COL23A1: variants seen among roughly 807,000 people sequenced by gnomAD.
The protein encoded by COL23A1 is collagen alpha-1(XXIII) chain.
A neutral mutation model predicts 99.3 loss-of-function variants in COL23A1; 97 were observed. The observed-to-expected ratio is 0.98, with a 90% CI of 0.83 to 1.16. The LOEUF (loss-of-function observed/expected upper bound fraction) is 1.16, where lower values mean the gene tolerates loss of function less well. Among genes scored for constraint, COL23A1 ranks in the 50% most tolerant of loss-of-function variants. The pLI, the probability that COL23A1 is intolerant of heterozygous loss-of-function variation, is 0.00. For missense variants in COL23A1, 762 were observed against 757.4 expected, an observed-to-expected ratio of 1.01 and a Z score of -0.07; for synonymous variants, 320 against 308.2, an observed-to-expected ratio of 1.04 and a Z score of -0.40.
At chr5:178,386,823 T>C (rs1437950028) in intron 2 of COL23A1, among the ~76,000 whole-genome samples, 1 of 152,120 alleles carries the variant, frequency 6.6e-6, no homozygotes, top group Non-Finnish European at 1.5e-5. Flanking sequence ...GGACGCACAC[T>C]CCTATGGCCG....
At position 178,312,514 on chromosome 5, in the gene COL23A1, C is replaced by A. The variant is rs189437594; in HGVS notation, c.362-5595G>T. On this transcript the variant is annotated intron_variant, in intron 2 of 28. Coordinates refer to ENST00000390654, the MANE Select transcript of COL23A1 (RefSeq NM_173465.4). ...TCAACTCCAAAGGGGGGCCTCGAACCCCAACAGGCTTCCTCTGAGGCCTGA... is the reference window on the plus strand; with the variant it reads ...TCAACTCCAAAGGGGGGCCTCGAACACCAACAGGCTTCCTCTGAGGCCTGA... 3.9e-3 allele frequency among the ~76,000 whole-genome samples: 600 copies of A among 152,290 alleles called. 3 individuals are homozygous for A. Among genetic ancestry groups the A allele is most frequent in the African/African-American group, 0.014 (576 of 41,546 alleles).
chr5:178,343,071 T>C (rs1386402271), intron 2 of COL23A1, among the ~76,000 whole-genome samples: 1 of 152,168 alleles, frequency 6.6e-6, no homozygotes, highest in African/African-American at 2.4e-5. Context: ...GAATTTTACA[T>C]CCAGCCAACT....
At position 178,265,138 on chromosome 5, in the gene COL23A1, C is replaced by T. The variant is rs150568630; in HGVS notation, c.523-1814G>A. Among the ~76,000 whole-genome samples, 5 of 152,332 alleles carry T rather than the reference C, an allele frequency of 3.3e-5. No individual in the cohort carries two copies. In the East Asian group the frequency reaches 9.6e-4, roughly 29 times the overall value. ...TTTTCATCCACAGATGTTCCCTGATCTGATATAGCTCACCTCTCTAGCAAA... is the reference window on the plus strand; with the variant it reads ...TTTTCATCCACAGATGTTCCCTGATTTGATATAGCTCACCTCTCTAGCAAA... On this transcript the variant is annotated intron_variant, in intron 8 of 28. Transcript: ENST00000390654.
chr5:178,249,418 C>T (rs1215271005), intron 18 of COL23A1, among the ~76,000 whole-genome samples: 3 of 152,204 alleles, frequency 2.0e-5, no homozygotes, highest in African/African-American at 4.8e-5. Flanking sequence ...GGTGTGGGCA[C>T]CGCAGGGCAG....
At chr5:178,498,304 A>G (rs1758343184) in intron 2 of COL23A1, among the ~76,000 whole-genome samples, 1 of 145,854 alleles carries the variant, frequency 6.9e-6, no homozygotes, top group African/African-American at 2.5e-5. Flanking sequence ...TTAAAGAAAC[A>G]CATTTTACCT....
At chr5:178,516,696 C>A (rs1373880149) in intron 2 of COL23A1, among the ~76,000 whole-genome samples, 1 of 152,210 alleles carries the variant, frequency 6.6e-6, no homozygotes, top group African/African-American at 2.4e-5. Flanking sequence ...CCTTTCTTAA[C>A]TCAGGTGTTG....
chr5:178,508,083 G>A (rs1332933308), intron 2 of COL23A1, among the ~76,000 whole-genome samples: 2 of 151,732 alleles, frequency 1.3e-5, no homozygotes, highest in South Asian at 2.1e-4. Context: ...GGAAATTTCT[G>A]TTATATCCTA....
At chr5:178,444,709 T>G (rs769770525) in intron 2 of COL23A1, among the ~76,000 whole-genome samples, 10 of 152,148 alleles carry the variant, frequency 6.6e-5, no homozygotes, top group Non-Finnish European at 1.2e-4. Flanking sequence ...GGCAGGAGAA[T>G]TGCTTGAACC....
At chr5:178,414,435 C>T (rs1765200936) in intron 2 of COL23A1, among the ~76,000 whole-genome samples, 1 of 152,004 alleles carries the variant, frequency 6.6e-6, no homozygotes, top group African/African-American at 2.4e-5. Context: ...GACTTGTTTT[C>T]CCTCCCATTT....
intron 2 of COL23A1, among the ~76,000 whole-genome samples, chr5:178,400,869 A>G (rs1271790128): frequency 1.3e-5 from 2 of 152,062 alleles, no homozygotes; most frequent in Non-Finnish European, 2.9e-5. Context: ...AACTCCTGAC[A>G]TCAGGTGATC....
chr5:178,346,690 G>A (rs569092165), intron 2 of COL23A1, among the ~76,000 whole-genome samples: 1 of 152,212 alleles, frequency 6.6e-6, no homozygotes, highest in Non-Finnish European at 1.5e-5. Flanking sequence ...TGTAGATGCT[G>A]AAATCACACA....
intron 2 of COL23A1, among the ~76,000 whole-genome samples, chr5:178,497,694 T>C (rs944052655): frequency 1.3e-5 from 2 of 152,172 alleles, no homozygotes; most frequent in Non-Finnish European, 2.9e-5. Flanking sequence ...AAATGTAGCA[T>C]CTATACACAA....
chr5:178,562,846 T>C (rs1762669650), intron 1 of COL23A1: 1 of 152,096 alleles, frequency 6.6e-6, no homozygotes, highest in African/African-American at 2.4e-5. Flanking sequence ...GATTGGTCCA[T>C]TTTACAAACC....
chr5:178,317,627 A>G (rs1759049350), intron 2 of COL23A1, among the ~76,000 whole-genome samples: 1 of 152,244 alleles, frequency 6.6e-6, no homozygotes, highest in Non-Finnish European at 1.5e-5. Context: ...TTATGTAAAC[A>G]TGGCCACTAC....
intron 2 of COL23A1, among the ~76,000 whole-genome samples, chr5:178,372,067 G>A (rs991990229): frequency 6.6e-5 from 10 of 152,236 alleles, no homozygotes; most frequent in Non-Finnish European, 1.3e-4. Flanking sequence ...TTAAAACACG[G>A]GAACTCATAG....
chr5:178,402,830 A>G (rs1382794515), intron 2 of COL23A1, among the ~76,000 whole-genome samples: 2 of 152,202 alleles, frequency 1.3e-5, no homozygotes, highest in Non-Finnish European at 2.9e-5. Flanking sequence ...AAATATGTAC[A>G]TCTGTTATGT....
intron 2 of COL23A1, among the ~76,000 whole-genome samples, chr5:178,403,433 G>A (rs981862777): frequency 2.0e-5 from 3 of 152,128 alleles, no homozygotes; most frequent in Admixed American, 6.5e-5. Context: ...TTTCAAACGC[G>A]TTATCTCCAT....
At chr5:178,503,614 G>A (rs1184315613) in intron 2 of COL23A1, among the ~76,000 whole-genome samples, 1 of 152,140 alleles carries the variant, frequency 6.6e-6, no homozygotes, top group Non-Finnish European at 1.5e-5. Context: ...ACAATTATGT[G>A]CACGTATGTA....
chr5:178,315,851 TA>T (rs1758956566), intron 2 of COL23A1, among the ~76,000 whole-genome samples: 1 of 147,106 alleles, frequency 6.8e-6, no homozygotes, highest in Non-Finnish European at 1.5e-5. Context: ...TAATTGCTAA[TA>T]AAAAAACAAG....
Sources: gnomAD v4.1 joint callset for allele counts (sites outside exome capture counted in the v4.1 genomes callset) on GRCh38, gnomAD v4.1.1 for gene constraint, MANE v1.5 for transcripts, NCBI Gene and HGNC (gene_info 2026-07-23, HGNC 2026-07-21) for gene names.